The following DCT variants were observed in gnomAD, a reference collection of about 807,000 sequenced individuals.
The protein encoded by DCT is L-dopachrome tautomerase.
Under a neutral mutation model 53.0 loss-of-function variants are expected in DCT, and 47 were observed. That is an observed-to-expected ratio of 0.89 (90% confidence interval 0.70 to 1.13). DCT has a LOEUF of 1.13. Among genes scored for constraint, DCT ranks in the 50% most tolerant of loss-of-function variants. The pLI is 0.00. For synonymous variants in DCT, 244 were observed against 237.0 expected, an observed-to-expected ratio of 1.03 and a Z score of -0.27; for missense variants, 669 against 637.4, an observed-to-expected ratio of 1.05 and a Z score of -0.53.
At chr13:94,546,681 C>G in the DCT span, among the ~76,000 whole-genome samples, 2 of 152,046 alleles carry the variant, frequency 1.3e-5, no homozygotes, top group African/African-American at 4.8e-5. The surrounding 1 kb of genome is among the most constrained non-coding windows in gnomAD (Gnocchi z 4.2). Context: ...TTCCCTAAAA[C>G]GGTAATTGGT....
chr13:94,504,842 A>C, the DCT span, among the ~76,000 whole-genome samples: 2 of 152,118 alleles, frequency 1.3e-5, no homozygotes, highest in African/African-American at 4.8e-5. Flanking sequence ...GTGTGTGAAA[A>C]ATAAGAAATG....
the DCT span, among the ~76,000 whole-genome samples, chr13:94,522,455 G>A: frequency 6.6e-6 from 1 of 152,080 alleles, no homozygotes; most frequent in Non-Finnish European, 1.5e-5. Context: ...ATGGCCTATT[G>A]TGGGACCTTG....
chr13:94,527,554 T>G, the DCT span, among the ~76,000 whole-genome samples: 3 of 152,140 alleles, frequency 2.0e-5, no homozygotes, highest in Non-Finnish European at 4.4e-5. Flanking sequence ...TCTGACTGTT[T>G]GAAGGAAAAC....
chr13:94,488,920 G>A, the DCT span, among the ~76,000 whole-genome samples: 1 of 151,552 alleles, frequency 6.6e-6, no homozygotes, highest in Non-Finnish European at 1.5e-5. Flanking sequence ...AAAACATAAG[G>A]TATATAGCTA....
chr13:94,454,993 G>C (rs7325046), intron 6 of DCT, among the ~76,000 whole-genome samples: 46,576 of 151,936 alleles, frequency 0.31, 7,508 homozygotes, highest in Middle Eastern at 0.4. Context: ...ACACAAAGAT[G>C]ATTAAATGTC....
chr13:94,472,816 G>A (rs747026005), intron 1 of DCT, among the ~76,000 whole-genome samples: 8 of 151,428 alleles, frequency 5.3e-5, no homozygotes, highest in South Asian at 2.1e-4. Flanking sequence ...TCCTGAACTC[G>A]GGTGATCCAC....
At chr13:94,494,221 T>C in the DCT span, among the ~76,000 whole-genome samples, 1 of 152,136 alleles carries the variant, frequency 6.6e-6, no homozygotes, top group Admixed American at 6.5e-5. Flanking sequence ...GCTTTTAACA[T>C]CTGCCTTCTG....
the DCT span, among the ~76,000 whole-genome samples, chr13:94,488,727 C>T: frequency 0.023 from 134 of 5,878 alleles, no homozygotes; most frequent in African/African-American, 0.041. Flanking sequence ...AATATATACA[C>T]ACACACACAC....
the DCT span, among the ~76,000 whole-genome samples, chr13:94,491,085 C>A: frequency 6.6e-6 from 1 of 152,020 alleles, no homozygotes; most frequent in Non-Finnish European, 1.5e-5. Context: ...TGTCAGTGAA[C>A]AAGAAAAGTC....
Position 94,460,259 on chromosome 13 carries a change from C to A in DCT, c.1044-33G>T, listed in dbSNP as rs753206746. 3 of 1,599,690 alleles carry A rather than the reference C, an allele frequency of 1.9e-6. 1 individual carries two copies. Among genetic ancestry groups the A allele is most frequent in the South Asian group, 2.2e-5 (2 of 89,868 alleles). On this transcript the variant is annotated intron_variant, in intron 5 of 7. Coordinates refer to ENST00000377028, the MANE Select transcript of DCT (RefSeq NM_001922.5). Reference sequence around the variant, plus strand: ...AAACAAGTATATCAGTGACAACAGACAAAGACTGATAAAGGTCTCTTTTTT... The same window carrying A: ...AAACAAGTATATCAGTGACAACAGAAAAAGACTGATAAAGGTCTCTTTTTT...
chr13:94,490,979 T>C, the DCT span, among the ~76,000 whole-genome samples: 1 of 152,158 alleles, frequency 6.6e-6, no homozygotes, highest in Non-Finnish European at 1.5e-5. Context: ...AAAGGCCAGG[T>C]TGGAGCTCAG....
chr13:94,543,512 A>T, the DCT span, among the ~76,000 whole-genome samples: 2 of 152,178 alleles, frequency 1.3e-5, no homozygotes. Flanking sequence ...CTGACAGAAC[A>T]GTTCCTGTCT....
chr13:94,455,439 T>C (rs920719952), intron 6 of DCT, among the ~76,000 whole-genome samples: 1 of 149,384 alleles, frequency 6.7e-6, no homozygotes, highest in African/African-American at 2.5e-5. Context: ...TACAAACTAA[T>C]ACAAAGAAGA....
chr13:94,492,906 C>T, the DCT span, among the ~76,000 whole-genome samples: 11 of 152,242 alleles, frequency 7.2e-5, no homozygotes, highest in African/African-American at 2.2e-4. Flanking sequence ...CCCTGATCGA[C>T]GTACATATTG....
chr13:94,545,963 C>G, the DCT span, among the ~76,000 whole-genome samples: 1 of 152,036 alleles, frequency 6.6e-6, no homozygotes. Context: ...CTCTGAGCCC[C>G]CTTCTAGACC....
rs776728644 is a variant in DCT, at chr13:94,443,405, G to A, written c.1381+31C>T. ...AAGCTAGCTTCTTTAGAAGATGAATGAATCACCCATTTGGAAGTTGTGTTA... is the reference window on the plus strand; with the variant it reads ...AAGCTAGCTTCTTTAGAAGATGAATAAATCACCCATTTGGAAGTTGTGTTA... On this transcript the variant is annotated intron_variant, in intron 7 of 7. Coordinates refer to ENST00000377028, the MANE Select transcript of DCT (RefSeq NM_001922.5). 4.0e-6 allele frequency: 6 copies of A among 1,507,924 alleles called. No individual in the cohort carries two copies. In the African/African-American group the frequency reaches 6.9e-5, roughly 17 times the overall value. The allele number at this position is 1,507,924 out of a possible 1,614,324, so 93.4% of individuals were successfully genotyped here.
At chr13:94,483,525 C>G (rs1010652765), upstream of DCT, among the ~76,000 whole-genome samples, 12 of 151,122 alleles carry the variant, frequency 7.9e-5, no homozygotes, top group African/African-American at 2.7e-4. Context: ...GTTTTTGAGA[C>G]AGAGTCTCAC....
At chr13:94,441,721 C>T (rs1395550019) in intron 7 of DCT, among the ~76,000 whole-genome samples, 1 of 152,180 alleles carries the variant, frequency 6.6e-6, no homozygotes, top group Non-Finnish European at 1.5e-5. Flanking sequence ...TATGTATGTA[C>T]CACATTTTGT....
chr13:94,478,879 G>A, intron 1 of DCT, 82 bp downstream of exon 1: 1 of 1,353,804 alleles, frequency 7.4e-7, no homozygotes, highest in Non-Finnish European at 1.0e-6. Flanking sequence ...AAGAGTCTCT[G>A]TCAAGAGTCT....
Sources: gnomAD v4.1 joint callset for allele counts (sites outside exome capture counted in the v4.1 genomes callset) on GRCh38, gnomAD v4.1.1 for gene constraint, Gnocchi (gnomAD v3.1) non-coding constraint, MANE v1.5 for transcripts, NCBI Gene and HGNC (gene_info 2026-07-23, HGNC 2026-07-21) for gene names.